Variants in DGKK observed in about 807,000 individuals in gnomAD.
DGKK encodes 142 kDa diacylglycerol kinase.
A neutral mutation model predicts 92.2 loss-of-function variants in DGKK; 35 were observed. That is an observed-to-expected ratio of 0.38 (90% CI 0.29 to 0.50). The LOEUF is 0.50. DGKK is among the 20% of genes least tolerant of loss of function. The pLI is 0.92. For missense variants in DGKK, 910 were observed against 992.2 expected (o/e 0.92, Z 1.11); for synonymous variants, 368 against 360.6 (o/e 1.02, Z -0.23).
intron 15 of DGKK, 77 bp from the exon 16 acceptor site, chrX:50,384,901 T>G: frequency 4.5e-6 from 3 of 673,253 alleles, no homozygotes; most frequent in Non-Finnish European, 2.3e-6. Flanking sequence ...GGAGGGAGGA[T>G]GGAAGGAAGG....
At chrX:50,404,607 G>A (rs987018122) in intron 4 of DGKK, among the ~76,000 whole-genome samples, 12 of 109,443 alleles carry the variant, frequency 1.1e-4, no homozygotes, top group African/African-American at 3.0e-4. Context: ...CACCACGCCC[G>A]GCTAATTTTT....
At chrX:50,388,761 G>A (rs1483014110) in intron 12 of DGKK, 143 bp from the exon 13 acceptor site, 2 of 422,165 alleles carry the variant, frequency 4.7e-6, no homozygotes, top group Admixed American at 4.5e-5. Context: ...AATGATCAAA[G>A]AATTCTTGTT....
At chrX:50,436,423 T>A (rs1378129439) in intron 1 of DGKK, among the ~76,000 whole-genome samples, 3 of 112,021 alleles carry the variant, frequency 2.7e-5, no homozygotes, top group Middle Eastern at 4.6e-3. Context: ...CACAAGGACA[T>A]GAATAACTAG....
At chrX:50,396,885 T>C (rs1405282004) in intron 8 of DGKK, among the ~76,000 whole-genome samples, 1 of 112,221 alleles carries the variant, frequency 8.9e-6, no homozygotes, top group Non-Finnish European at 1.9e-5. Flanking sequence ...CCCAGTATTA[T>C]TCCACAATTT....
chrX:50,424,165 T>C, intron 2 of DGKK, 83 bp downstream of exon 2: 1 of 882,407 alleles, frequency 1.1e-6, no homozygotes, highest in African/African-American at 2.0e-5. Flanking sequence ...TGCTGACATG[T>C]CTTTACTTAT....
chrX:50,443,281 A>AT (rs1926209623), intron 1 of DGKK, among the ~76,000 whole-genome samples: 1 of 111,120 alleles, frequency 9.0e-6, no homozygotes, highest in Non-Finnish European at 1.9e-5. Context: ...GTCCAGTGGC[A>AT]TAAATCCTCC....
chrX:50,469,448 T>C (rs1284075231), intron 1 of DGKK, among the ~76,000 whole-genome samples: 3 of 112,423 alleles, frequency 2.7e-5, no homozygotes, highest in Non-Finnish European at 5.6e-5. Context: ...GCGCCGCCCA[T>C]CCCCTCGTCC....
chrX:50,463,695 A>C (rs2147153764), intron 1 of DGKK, among the ~76,000 whole-genome samples: 1 of 109,149 alleles, frequency 9.2e-6, no homozygotes, highest in Non-Finnish European at 1.9e-5. Flanking sequence ...TTTTCAGAAA[A>C]ATATTCAAGG....
rs139635275 is a variant in DGKK at position 50,406,128 on chromosome X, C to T, written c.943-1944G>A. On this transcript the variant is annotated intron_variant, in intron 4 of 27. Transcript: ENST00000611977. ...CCTGTATAGAGTGACAAGTGAAGCT[C>T]TTCTAGAATGTGCAAGGTTTCACAG... Among the ~76,000 whole-genome samples the T allele has an allele frequency of 2.3e-3, 260 of 112,116 alleles. 2 individuals are homozygous for T. In the Middle Eastern group the frequency reaches 0.032, roughly 14 times the overall value.
intron 13 of DGKK, 147 bp from the exon 14 acceptor site, chrX:50,387,800 C>G (rs1467499257): frequency 1.8e-5 from 8 of 442,297 alleles, no homozygotes; most frequent in African/African-American, 1.7e-4. Context: ...GCCTTTTTCT[C>G]TCTGCTTTTT....
intron 22 of DGKK, among the ~76,000 whole-genome samples, chrX:50,377,291 G>C (rs1924299806): frequency 8.9e-6 from 1 of 112,222 alleles, no homozygotes; most frequent in Non-Finnish European, 1.9e-5. Flanking sequence ...GCAATATGTG[G>C]TGATGCAGTT....
At chrX:50,414,391 T>C (rs1438476543) in intron 4 of DGKK, among the ~76,000 whole-genome samples, 1 of 111,605 alleles carries the variant, frequency 9.0e-6, no homozygotes, top group African/African-American at 3.3e-5. Context: ...GTGATGGATA[T>C]GTTAATTAGC....
chrX:50,405,947 T>C (rs782204554), intron 4 of DGKK, among the ~76,000 whole-genome samples: 2 of 111,584 alleles, frequency 1.8e-5, no homozygotes, highest in Non-Finnish European at 3.8e-5. Context: ...ATCTTTTTTT[T>C]CCCTCCCAGT....
intron 20 of DGKK, 101 bp downstream of exon 20, chrX:50,379,526 C>T (rs1333863826): frequency 2.9e-6 from 2 of 681,725 alleles, no homozygotes; most frequent in South Asian, 2.6e-5. Context: ...CTCCTCTTCT[C>T]CCATTGTCTA....
chrX:50,416,480 A>G (rs1211768100), intron 4 of DGKK, among the ~76,000 whole-genome samples: 1 of 112,667 alleles, frequency 8.9e-6, no homozygotes, highest in African/African-American at 3.2e-5. Context: ...TATCCCACAA[A>G]GCACAAAGTT....
intron 1 of DGKK, among the ~76,000 whole-genome samples, chrX:50,446,193 G>C (rs1218218413): frequency 1.8e-5 from 2 of 110,576 alleles, no homozygotes; most frequent in Non-Finnish European, 3.8e-5. Flanking sequence ...CAAGACTATG[G>C]GGTTTTCTAG....
At chrX:50,378,748 T>C in intron 20 of DGKK, 57 bp from the exon 21 acceptor site, 1 of 931,406 alleles carries the variant, frequency 1.1e-6, no homozygotes, top group Non-Finnish European at 1.5e-6. Flanking sequence ...ACCCTGTCTA[T>C]AACAAGAAGG....
intron 24 of DGKK, 85 bp from the exon 25 acceptor site, chrX:50,375,142 G>T (rs1424030005): frequency 8.1e-6 from 6 of 736,645 alleles, no homozygotes; most frequent in Admixed American, 5.5e-5. Context: ...TCTTCTCCGT[G>T]GGAAGGTAGA....
chrX:50,374,873 C>T lies in DGKK; in HGVS notation c.3501+98G>A, dbSNP rs1240951719. The T allele has an allele frequency of 6.1e-5, 45 of 734,680 alleles. No homozygotes were observed. In the East Asian group the frequency reaches 1.5e-3, roughly 25 times the overall value. 60.5% of individuals were successfully genotyped at this position (734,680 alleles called of 1,213,427 possible). On this transcript the variant is annotated intron_variant, in intron 25 of 27. Coordinates refer to ENST00000611977, the MANE Select transcript of DGKK (RefSeq NM_001013742.4). ...TCCAGGCAAGCACCTGGCCAAAATG[C>T]TCCCACGGGTCTCCAGTGCCCTTGG...
Sources: gnomAD v4.1 joint callset for allele counts (sites outside exome capture counted in the v4.1 genomes callset) on GRCh38, gnomAD v4.1.1 for gene constraint, MANE v1.5 for transcripts, NCBI Gene and HGNC (gene_info 2026-07-23, HGNC 2026-07-21) for gene names.